Variants in SNX29 observed in about 807,000 individuals in gnomAD.
SNX29 encodes sorting nexin 29, also known as sorting nexin-29.
Under a neutral mutation model 102.1 loss-of-function variants are expected in SNX29, and 78 were observed. The observed-to-expected ratio is 0.76, with a 90% CI of 0.64 to 0.92. The LOEUF (loss-of-function observed/expected upper bound fraction) is 0.92. Ranked by LOEUF, SNX29 falls within the 40% of genes least tolerant of loss-of-function variation. The pLI, the probability that SNX29 is intolerant of heterozygous loss-of-function variation, is 0.00. For synonymous variants in SNX29, 580 were observed against 414.5 expected (o/e 1.40, Z -4.85); for missense variants, 1,280 against 1,061.7 (o/e 1.21, Z -2.86).
intron 14 of SNX29, among the ~76,000 whole-genome samples, chr16:12,272,636 A>C (rs957788667): frequency 6.6e-6 from 1 of 152,110 alleles, no homozygotes; most frequent in African/African-American, 2.4e-5. Context: ...GTTTACACAT[A>C]ATTTTGTTTG....
rs2079160404 is a variant in SNX29, at chr16:12,570,329, G to A, written c.*1700G>A. ...CGAGACATCCTGTAAAGGCAACTTG[G>A]TCTCCCTCCCACTCACCTGCCAACA... On this transcript the variant is annotated 3_prime_UTR_variant, in exon 21 of 21. Transcript: ENST00000566228. 1.1e-6 allele frequency: 1 copy of A among 872,974 alleles called. No individual in the cohort carries two copies. Among genetic ancestry groups the A allele is most frequent in the Middle Eastern group, 4.9e-4 (1 of 2,052 alleles). 54.1% of individuals were successfully genotyped at this position (872,974 alleles called of 1,614,324 possible).
At chr16:12,512,394 A>G in intron 19 of SNX29, among the ~76,000 whole-genome samples, 1 of 75,988 alleles carries the variant, frequency 1.3e-5, no homozygotes, top group East Asian at 3.3e-4. Flanking sequence ...ATATATATAT[A>G]TATATATATA....
intron 16 of SNX29, among the ~76,000 whole-genome samples, chr16:12,371,959 T>C (rs944024560): frequency 6.6e-6 from 1 of 152,148 alleles, no homozygotes. Context: ...GAAGACATGG[T>C]TTAACATTTT....
intron 14 of SNX29, among the ~76,000 whole-genome samples, chr16:12,236,020 A>G (rs576628985): frequency 1.2e-4 from 18 of 151,582 alleles, no homozygotes; most frequent in African/African-American, 4.1e-4. Context: ...GTTATTTAAA[A>G]CTCTCTGTTT....
intron 20 of SNX29, among the ~76,000 whole-genome samples, chr16:12,541,779 C>T (rs533155363): frequency 2.0e-5 from 3 of 152,148 alleles, no homozygotes; most frequent in Admixed American, 6.5e-5. Context: ...GCGTTTCCAA[C>T]CCCCTGGAAT....
chr16:12,223,352 C>T (rs1406749814), intron 14 of SNX29, among the ~76,000 whole-genome samples: 3 of 152,088 alleles, frequency 2.0e-5, no homozygotes, highest in Non-Finnish European at 4.4e-5. Context: ...ATGGCAAAAC[C>T]CTATCTCTAT....
chr16:12,378,607 C>T (rs558366836), intron 16 of SNX29, among the ~76,000 whole-genome samples: 34 of 152,278 alleles, frequency 2.2e-4, no homozygotes, highest in African/African-American at 7.9e-4. Context: ...CGAGAGGGCT[C>T]GGTCCCCAGC....
chr16:12,543,808 C>T (rs1295332386), intron 20 of SNX29, among the ~76,000 whole-genome samples: 4 of 152,244 alleles, frequency 2.6e-5, no homozygotes, highest in Non-Finnish European at 4.4e-5. Flanking sequence ...TTTCTCCCAG[C>T]CCATGAGACA....
chr16:12,069,653 A>C (rs1379081921), intron 10 of SNX29, among the ~76,000 whole-genome samples: 1 of 152,128 alleles, frequency 6.6e-6, no homozygotes, highest in Admixed American at 6.5e-5. Context: ...ACGAATGTCA[A>C]CACCTTTTGG....
chr16:12,549,064 G>A (rs568913882), intron 20 of SNX29, among the ~76,000 whole-genome samples: 2 of 152,228 alleles, frequency 1.3e-5, no homozygotes, highest in African/African-American at 4.8e-5. Context: ...CAGCTGGGCA[G>A]GCATCATAGT....
chr16:12,014,566 C>T lies in SNX29; in HGVS notation c.122+11523C>T, dbSNP rs186548998. 1.3e-3 allele frequency among the ~76,000 whole-genome samples: 197 copies of T among 151,926 alleles called. 2 individuals carry two copies. Among genetic ancestry groups the T allele is most frequent in the African/African-American group, 4.4e-3 (184 of 41,394 alleles). On this transcript the variant is annotated intron_variant, in intron 3 of 20. Coordinates refer to ENST00000566228, the MANE Select transcript of SNX29 (RefSeq NM_032167.5). ...TGACCAACATAGAGAAACCCTGTCT[C>T]TACTAAAAATACAAAATTAGTTGGG...
intron 18 of SNX29, among the ~76,000 whole-genome samples, chr16:12,444,972 C>T (rs750273106): frequency 2.6e-5 from 4 of 151,968 alleles, no homozygotes; most frequent in Non-Finnish European, 4.4e-5. Flanking sequence ...CTGCGTCAGC[C>T]TCCCAAGTAG....
chr16:12,215,073 G>A (rs1332633568), intron 14 of SNX29, among the ~76,000 whole-genome samples: 1 of 152,150 alleles, frequency 6.6e-6, no homozygotes, highest in Non-Finnish European at 1.5e-5. Context: ...AGTTTGCTGA[G>A]CACCCAGTAA....
At chr16:12,031,884 G>A (rs1480733083) in intron 4 of SNX29, among the ~76,000 whole-genome samples, 1 of 152,084 alleles carries the variant, frequency 6.6e-6, no homozygotes, top group African/African-American at 2.4e-5. Flanking sequence ...GCCATTTGAA[G>A]TGTACAATTC....
At chr16:12,146,037 C>G (rs2055053046) in intron 13 of SNX29, among the ~76,000 whole-genome samples, 2 of 152,194 alleles carry the variant, frequency 1.3e-5, no homozygotes, top group Non-Finnish European at 2.9e-5. Context: ...TCTTTTACCC[C>G]TACAGCGGTG....
chr16:12,106,741 A>C (rs1214331082), intron 11 of SNX29, among the ~76,000 whole-genome samples: 1 of 150,924 alleles, frequency 6.6e-6, no homozygotes, highest in African/African-American at 2.4e-5. Context: ...TTGGCCTCTG[A>C]AAGTGCTGGG....
At chr16:12,501,775 G>A (rs2089139072) in intron 19 of SNX29, among the ~76,000 whole-genome samples, 1 of 148,570 alleles carries the variant, frequency 6.7e-6, no homozygotes, top group South Asian at 2.1e-4. Context: ...GATCTACATG[G>A]TTCCTGCCCT....
intron 14 of SNX29, among the ~76,000 whole-genome samples, chr16:12,265,110 C>G (rs1402224609): frequency 1.3e-5 from 2 of 152,178 alleles, no homozygotes; most frequent in Non-Finnish European, 2.9e-5. Context: ...CTGACACTTC[C>G]TTTTTTGGGT....
chr16:12,497,961 C>T (rs1430918057), intron 19 of SNX29, among the ~76,000 whole-genome samples: 1 of 152,102 alleles, frequency 6.6e-6, no homozygotes, highest in Non-Finnish European at 1.5e-5. Flanking sequence ...AAGGTTGATT[C>T]CCCAAGGAAA....
Sources: allele counts gnomAD v4.1 joint callset (sites outside exome capture counted in the v4.1 genomes callset), GRCh38; gene constraint gnomAD v4.1.1; transcripts MANE v1.5; gene names NCBI Gene and HGNC (gene_info 2026-07-23, HGNC 2026-07-21).